ORC6: variants seen among roughly 807,000 people sequenced by gnomAD.
ORC6 encodes the protein origin recognition complex subunit 6.
Under a neutral mutation model 30.0 loss-of-function variants are expected in ORC6, and 31 were observed. The observed-to-expected ratio is 1.03, with a 90% CI of 0.78 to 1.40. ORC6 has a LOEUF of 1.40. Among genes scored for constraint, ORC6 ranks in the 40% most tolerant of loss-of-function variants. The probability of loss-of-function intolerance (pLI) is 0.00; values close to 1 mark genes in which losing one functional copy is unlikely to be tolerated. For synonymous variants in ORC6, 136 were observed against 111.2 expected (o/e 1.22, Z -1.40); for missense variants, 340 against 304.3 (o/e 1.12, Z -0.87).
At position 46,693,092 on chromosome 16, in the gene ORC6, G is replaced by T; in HGVS notation, c.360-1G>T. ...TAATTCTGCAATAACTTCTCCTTTA[G>T]CTATGAGTCCAGTCTTCCCCAGACA... On this transcript the variant is annotated splice_acceptor_variant, in intron 3 of 6. Transcript: ENST00000219097. LOFTEE classifies it high-confidence loss of function. The T allele has an allele frequency of 3.1e-6, 5 of 1,594,572 alleles. No homozygotes were observed. Among genetic ancestry groups the T allele is most frequent in the Non-Finnish European group, 4.3e-6 (5 of 1,162,392 alleles).
At position 46,696,080 on chromosome 16, in the gene ORC6, C is replaced by A; in HGVS notation, c.626C>A (p.Ala209Glu). ...KRKKIVVEAP[A>E]KEMEKVEEMP... ...AAGAAGATAGTGGTTGAAGCCCCAGCAAAGGGTAAGTTTTACTAACACGGT... is the reference window on the plus strand; with the variant it reads ...AAGAAGATAGTGGTTGAAGCCCCAGAAAAGGGTAAGTTTTACTAACACGGT... The change falls in exon 6 of 7, where the codon GCA (alanine) becomes GAA (glutamate). Residue 209 changes from alanine (A) to glutamate (E), a missense_variant. Transcript: ENST00000219097. 6.2e-7 allele frequency: 1 copy of A among 1,609,978 alleles called. No individual in the cohort carries two copies. The highest frequency in any genetic ancestry group is 8.5e-7 in the Non-Finnish European group (1 of 1,176,168).
chr16:46,697,478 A>G lies in ORC6; in HGVS notation c.652A>G (p.Met218Val), dbSNP rs1029407508. ...PAKEMEKVEE[M>V]PHKPQKDEDL... Reference sequence around the variant, plus strand: ...GTCAGAAATGGAGAAGGTAGAGGAGATGCCACATAAACCACAGAAAGATGA... The same window carrying G: ...GTCAGAAATGGAGAAGGTAGAGGAGGTGCCACATAAACCACAGAAAGATGA... Residue 218 changes from methionine (M) to valine (V), a missense_variant, in exon 7 of 7, where the codon ATG (methionine) becomes GTG (valine). Physicochemically the swap from Met to Val is conservative, Grantham distance 21. Coordinates refer to ENST00000219097, the MANE Select transcript of ORC6 (RefSeq NM_014321.4). 2 of 1,613,428 alleles carry G rather than the reference A, an allele frequency of 1.2e-6. No homozygotes were observed. Among genetic ancestry groups the G allele is most frequent in the Non-Finnish European group, 1.7e-6 (2 of 1,179,400 alleles).
chr16:46,695,146 T>C, intron 4 of ORC6: 1 of 215,372 alleles, frequency 4.6e-6, no homozygotes. Context: ...TTGTAATTAG[T>C]GGTTGCTGTG....
chr16:46,692,183 G>A (rs1414436489), intron 2 of ORC6, among the ~76,000 whole-genome samples, 199 bp from the exon 3 acceptor site: 1 of 152,028 alleles, frequency 6.6e-6, no homozygotes, highest in Non-Finnish European at 1.5e-5. Context: ...TGCATAGTTT[G>A]AACTCTTTGA....
At chr16:46,693,807 T>C (rs1966480001) in intron 4 of ORC6, 3 of 105,626 alleles carry the variant, frequency 2.8e-5, no homozygotes, top group South Asian at 2.8e-4. Context: ...ACACTGTCTC[T>C]TTTTTTTTTT....
chr16:46,691,277 G>T (rs1180915053), intron 2 of ORC6, among the ~76,000 whole-genome samples, 157 bp downstream of exon 2: 3 of 152,170 alleles, frequency 2.0e-5, no homozygotes, highest in Admixed American at 2.0e-4. Flanking sequence ...ATTTTGCATT[G>T]GAAAATATTT....
At chr16:46,691,745 T>G (rs1207089450) in intron 2 of ORC6, among the ~76,000 whole-genome samples, 1 of 152,216 alleles carries the variant, frequency 6.6e-6, no homozygotes, top group Non-Finnish European at 1.5e-5. Flanking sequence ...CGTCAATGAT[T>G]TGTGGCTTTG....
At chr16:46,689,938 T>G in intron 1 of ORC6, 168 bp downstream of exon 1, 1 of 964,854 alleles carries the variant, frequency 1.0e-6, no homozygotes, top group Non-Finnish European at 1.5e-6. Context: ...GGCCGTGAGC[T>G]TGAATGAGAT....
At chr16:46,697,402 T>A (rs139110073) in intron 6 of ORC6, 56 bp from the exon 7 acceptor site, 17 of 1,494,222 alleles carry the variant, frequency 1.1e-5, no homozygotes, top group Admixed American at 5.5e-5. Flanking sequence ...TACCTTTTTT[T>A]AAATTTCATT....
At position 46,697,743 on chromosome 16, in the gene ORC6, G is replaced by GCCCACTGCC; in HGVS notation, c.*159_*160insCCACTGCCC. On this transcript the variant is annotated 3_prime_UTR_variant, in exon 7 of 7. Coordinates refer to ENST00000219097, the MANE Select transcript of ORC6 (RefSeq NM_014321.4). ...CAGCCTACCTGGAGGCTAAGTCTGG[G>GCCCACTGCC]CAGTGGGCTGGCCCCTGGTGTGAGC... The GCCCACTGCC allele has an allele frequency of 2.5e-6, 2 of 794,170 alleles. No homozygotes were observed. Among genetic ancestry groups the GCCCACTGCC allele is most frequent in the Non-Finnish European group, 4.3e-6 (2 of 464,792 alleles). The allele number at this position is 794,170 out of a possible 1,614,324, so 49.2% of individuals were successfully genotyped here. A position where few individuals can be genotyped will look rare whatever the true frequency, so the allele number is the denominator to read the frequency against.
intron 1 of ORC6, 104 bp downstream of exon 1, chr16:46,689,874 CG>C (rs1966408776): frequency 2.2e-6 from 3 of 1,390,986 alleles, no homozygotes; most frequent in African/African-American, 1.5e-5. Flanking sequence ...GGGGGAGTGA[CG>C]GGGAGCGCTG....
chr16:46,695,582 A>G lies in ORC6; in HGVS notation c.470A>G (p.Asp157Gly), dbSNP rs752255951. The change falls in exon 5 of 7, where the codon GAT becomes GGT. Residue 157 changes from aspartate to glycine, a missense_variant. Asp to Gly is a moderately conservative substitution (Grantham distance 94). Coordinates refer to ENST00000219097, the MANE Select transcript of ORC6 (RefSeq NM_014321.4). ...SACKILKLKV[D>G]KNKMVATSGV... ...TGTAGGATTCTAAAGCTGAAAGTGG[A>G]TAAAAACAAAATGGTAGCCACATCC... is the stretch of plus-strand genomic sequence containing the variant. The G allele has an allele frequency of 1.8e-5, 29 of 1,612,952 alleles. No individual in the cohort carries two copies. The highest frequency in any genetic ancestry group is 1.6e-4 in the Middle Eastern group (1 of 6,074).
chr16:46,690,247 C>A (rs923230713), intron 1 of ORC6, among the ~76,000 whole-genome samples: 6 of 152,160 alleles, frequency 3.9e-5, no homozygotes, highest in Non-Finnish European at 8.8e-5. Context: ...AGGCGCCGTT[C>A]CCGCTGAGGC....
Position 46,692,486 on chromosome 16 carries a change from C to T in ORC6, c.300C>T (p.Asp100=), listed in dbSNP as rs752050185. The change falls in exon 3 of 7, where the codon GAC becomes GAT. Residue 100 remains aspartate, a synonymous_variant. Coordinates refer to ENST00000219097, the MANE Select transcript of ORC6 (RefSeq NM_014321.4). The stretch of plus-strand genomic sequence containing the variant: ...TGAATTCAAATATTGGAATAAGAGA[C>T]CTAGCTGTACAGTTTAGCTGTATAG... ...LGLNSNIGIR[D]LAVQFSCIEA... 2.5e-6 allele frequency: 4 copies of T among 1,613,450 alleles called. No individual in the cohort carries two copies. In the African/African-American group the frequency reaches 4.0e-5, roughly 16 times the overall value.
chr16:46,690,958 A>C, intron 1 of ORC6, 33 bp from the exon 2 acceptor site: 1 of 1,613,648 alleles, frequency 6.2e-7, no homozygotes, highest in Non-Finnish European at 8.5e-7. Context: ...ACTTCTGAAT[A>C]AGTTGTAGCG....
intron 2 of ORC6, among the ~76,000 whole-genome samples, chr16:46,691,952 A>ACTCT (rs1422327857): frequency 1.3e-4 from 1 of 7,570 alleles, no homozygotes; most frequent in African/African-American, 2.9e-4. Flanking sequence ...ACACACACAC[A>ACTCT]CACACACTCT....
intron 1 of ORC6, 21 bp from the exon 2 acceptor site, chr16:46,690,970 A>G: frequency 6.2e-7 from 1 of 1,614,012 alleles, no homozygotes; most frequent in Admixed American, 1.7e-5. Flanking sequence ...GTTGTAGCGA[A>G]CACACTGCCC....
In ORC6 at chr16:46,693,162, T is replaced by G; in HGVS notation, c.429T>G (p.Ala143=). Residue 143 remains alanine (A), a synonymous_variant, in exon 4 of 7, where the codon GCT becomes GCG. Coordinates refer to ENST00000219097, the MANE Select transcript of ORC6 (RefSeq NM_014321.4). ...TATCCAGGCCACTTTTCACTTCTGCTGCACTGCTTTCAGCATGCAAGTAGG... is the reference window on the plus strand; with the variant it reads ...TATCCAGGCCACTTTTCACTTCTGCGGCACTGCTTTCAGCATGCAAGTAGG... ...LDLSRPLFTS[A]ALLSACKILK... The G allele has an allele frequency of 6.2e-7, 1 of 1,611,972 alleles. No homozygotes were observed. The highest frequency in any genetic ancestry group is 8.5e-7 in the Non-Finnish European group (1 of 1,178,058).
chr16:46,690,667 G>A (rs1375762967), intron 1 of ORC6: 2 of 381,920 alleles, frequency 5.2e-6, no homozygotes, highest in Non-Finnish European at 1.0e-5. Context: ...AAAGGAAATA[G>A]GAGGAAAGGA....
Sources: gnomAD v4.1 joint callset for allele counts (sites outside exome capture counted in the v4.1 genomes callset) on GRCh38, gnomAD v4.1.1 for gene constraint, MANE v1.5 for transcripts, NCBI Gene and HGNC (gene_info 2026-07-23, HGNC 2026-07-21) for gene names.